PIP5K1C: variants seen among roughly 807,000 people sequenced by gnomAD.
PIP5K1C encodes phosphatidylinositol 4-phosphate 5-kinase type-1 gamma.
PIP5K1C carries 45 observed loss-of-function variants against 80.1 expected under a neutral mutation model. The observed-to-expected ratio is 0.56, with a 90% CI of 0.44 to 0.72. PIP5K1C has a LOEUF of 0.72. PIP5K1C is among the 30% of genes least tolerant of loss of function. PIP5K1C has a pLI of 0.00. For missense variants in PIP5K1C, 753 were observed against 954.6 expected, an observed-to-expected ratio of 0.79 and a Z score of 2.78; for synonymous variants, 498 against 420.1, an observed-to-expected ratio of 1.19 and a Z score of -2.27.
intron 1 of PIP5K1C, among the ~76,000 whole-genome samples, chr19:3,698,962 C>A (rs955683871): frequency 2.0e-5 from 3 of 150,052 alleles, no homozygotes; most frequent in Admixed American, 1.3e-4. Flanking sequence ...CTCCCCCGCT[C>A]TCCCACCCCA....
At chr19:3,663,161 C>T (rs563913082) in intron 3 of PIP5K1C, among the ~76,000 whole-genome samples, 22 of 152,218 alleles carry the variant, frequency 1.4e-4, no homozygotes, top group African/African-American at 5.1e-4. Flanking sequence ...CCTCCGCGCC[C>T]GGCCGGCTGC....
Position 3,643,394 on chromosome 19 carries a change from G to A in PIP5K1C, c.1511-13C>T, listed in dbSNP as rs772319622. 93 of 1,612,896 alleles carry A rather than the reference G, an allele frequency of 5.8e-5. No homozygotes were observed. Among genetic ancestry groups the A allele is most frequent in the Non-Finnish European group, 7.5e-5 (89 of 1,179,864 alleles). On this transcript the variant is annotated splice_polypyrimidine_tract_variant and intron_variant, in intron 12 of 17. Coordinates refer to ENST00000335312, the MANE Select transcript of PIP5K1C (RefSeq NM_012398.3). ...AGGTCGGGCCGGCCTGAGGGGAGAG[G>A]ACTGTGGGCACCTTGCGGAGCCTCC...
rs753927194 is a variant in PIP5K1C at position 3,643,201 on chromosome 19, AGCGGATGCCCCGCCCACATGCACT to A, written c.1649+18_1649+41del. The A allele has an allele frequency of 3.3e-4, 531 of 1,610,010 alleles. 4 individuals carry two copies. In the African/African-American group the frequency reaches 5.2e-3, roughly 16 times the overall value. ...CAGTGAATGCCCCGCCCCCACGCAC[AGCGGATGCCCCGCCCACATGCACT>A]GCGGATGCCTCGCCCACCTGTACCG... On this transcript the variant is annotated intron_variant, in intron 13 of 17. Transcript: ENST00000335312.
At chr19:3,662,076 G>A (rs781770215) in intron 3 of PIP5K1C, 75 bp from the exon 4 acceptor site, 2 of 1,500,954 alleles carry the variant, frequency 1.3e-6, no homozygotes, top group South Asian at 1.2e-5. Flanking sequence ...GCACCGGGGG[G>A]TGGAGATCGT....
intron 1 of PIP5K1C, among the ~76,000 whole-genome samples, chr19:3,694,999 A>C (rs1258067939): frequency 6.6e-6 from 1 of 152,262 alleles, no homozygotes; most frequent in Non-Finnish European, 1.5e-5. Flanking sequence ...CGTGGGGGCC[A>C]CCAAGGCCGG....
At chr19:3,633,357 C>T (rs1482590882) in intron 17 of PIP5K1C, 80 bp downstream of exon 17, 3 of 1,154,300 alleles carry the variant, frequency 2.6e-6, no homozygotes, top group African/African-American at 3.1e-5. Flanking sequence ...TCAGTCCCTG[C>T]CTATCCCAGT....
At chr19:3,697,520 A>AC (rs1201376397) in intron 1 of PIP5K1C, among the ~76,000 whole-genome samples, 1 of 152,100 alleles carries the variant, frequency 6.6e-6, no homozygotes, top group Non-Finnish European at 1.5e-5. Context: ...ACCAAGCTGG[A>AC]CCCGGGAGGA....
At chr19:3,691,433 C>T (rs1162662667) in intron 1 of PIP5K1C, among the ~76,000 whole-genome samples, 1 of 152,154 alleles carries the variant, frequency 6.6e-6, no homozygotes, top group East Asian at 1.9e-4. Flanking sequence ...AGCAACCAAC[C>T]GCGAGCCCAC....
chr19:3,669,410 C>T (rs1338892588), intron 1 of PIP5K1C, among the ~76,000 whole-genome samples: 2 of 152,182 alleles, frequency 1.3e-5, no homozygotes, highest in African/African-American at 4.8e-5. Flanking sequence ...CAGGGAGGTG[C>T]AGACAGGTGA....
At chr19:3,675,508 G>C (rs1281897571) in intron 1 of PIP5K1C, among the ~76,000 whole-genome samples, 1 of 152,198 alleles carries the variant, frequency 6.6e-6, no homozygotes, top group Admixed American at 6.5e-5. Context: ...CATGGACCAA[G>C]GCTTTTGTGA....
chr19:3,678,580 AGGGATAAAG>A (rs2035483302), intron 1 of PIP5K1C, among the ~76,000 whole-genome samples: 1 of 57,726 alleles, frequency 1.7e-5, no homozygotes, highest in Non-Finnish European at 3.3e-5. Flanking sequence ...GGAGGGATGG[AGGGATAAAG>A]GGATGGAGGG....
intron 11 of PIP5K1C, among the ~76,000 whole-genome samples, chr19:3,644,728 C>T (rs1001003785): frequency 3.9e-5 from 6 of 152,216 alleles, no homozygotes; most frequent in South Asian, 2.1e-4. Flanking sequence ...CTGTGCGGCT[C>T]GGTCTCTCTG....
At chr19:3,666,782 T>C (rs976341046) in intron 2 of PIP5K1C, among the ~76,000 whole-genome samples, 3 of 150,574 alleles carry the variant, frequency 2.0e-5, no homozygotes, top group East Asian at 3.9e-4. Context: ...CAGGCAAACA[T>C]GCACACACAC....
intron 11 of PIP5K1C, among the ~76,000 whole-genome samples, chr19:3,644,475 A>C (rs2034126793): frequency 6.6e-6 from 1 of 152,092 alleles, no homozygotes; most frequent in Non-Finnish European, 1.5e-5. Context: ...TGTCTCTATG[A>C]GACACACTGG....
At chr19:3,675,669 C>T (rs531506329) in intron 1 of PIP5K1C, among the ~76,000 whole-genome samples, 1 of 152,246 alleles carries the variant, frequency 6.6e-6, no homozygotes, top group East Asian at 1.9e-4. Flanking sequence ...TATGAGTGTA[C>T]CCACATGCAA....
intron 16 of PIP5K1C, 107 bp from the exon 17 acceptor site, chr19:3,633,627 A>C: frequency 4.2e-6 from 3 of 714,108 alleles, no homozygotes; most frequent in Non-Finnish European, 4.0e-6. Context: ...AAAGAGGCGA[A>C]TCCCCCATGG....
chr19:3,699,524 G>A (rs937545123), intron 1 of PIP5K1C, among the ~76,000 whole-genome samples: 4 of 152,196 alleles, frequency 2.6e-5, no homozygotes, highest in South Asian at 2.1e-4. Flanking sequence ...CTGGCTGCCT[G>A]GGAGGAGCAG....
At position 3,648,796 on chromosome 19, in the gene PIP5K1C, C is replaced by T. The variant is rs527592994; in HGVS notation, c.1128-88G>A. On this transcript the variant is annotated intron_variant, in intron 8 of 17. Coordinates refer to ENST00000335312, the MANE Select transcript of PIP5K1C (RefSeq NM_012398.3). This position sits in a 1 kb window ranked among gnomAD's most constrained non-coding sequence, Gnocchi z 4.3. ...GCTGGGGACTCCAGGGCTAGGGAGT[C>T]CATCTGCTCCTGTGGGTGGCAACTT... The T allele has an allele frequency of 3.1e-5, 35 of 1,119,812 alleles. No individual in the cohort carries two copies. In the Admixed American group the frequency reaches 5.2e-4, roughly 17 times the overall value. The allele number at this position is 1,119,812 out of a possible 1,614,324, so 69.4% of individuals were successfully genotyped here. A position where few individuals can be genotyped will look rare whatever the true frequency, so the allele number is the denominator to read the frequency against.
chr19:3,691,201 G>C (rs892845357), intron 1 of PIP5K1C, among the ~76,000 whole-genome samples: 4 of 152,220 alleles, frequency 2.6e-5, no homozygotes, highest in Non-Finnish European at 4.4e-5. Context: ...GGAAGAAGTC[G>C]CCTTGCACCC....
Sources: gnomAD v4.1 joint callset for allele counts (sites outside exome capture counted in the v4.1 genomes callset) on GRCh38, gnomAD v4.1.1 for gene constraint, Gnocchi (gnomAD v3.1) non-coding constraint, MANE v1.5 for transcripts, NCBI Gene and HGNC (gene_info 2026-07-23, HGNC 2026-07-21) for gene names.